The following RELN variants were observed in gnomAD, a reference collection of about 807,000 sequenced individuals.
RELN encodes the protein reelin.
RELN carries 108 observed loss-of-function variants against 427.6 expected under a neutral mutation model. The observed-to-expected ratio is 0.25, with a 90% CI of 0.22 to 0.30. The LOEUF (loss-of-function observed/expected upper bound fraction) is 0.30, where lower values mean the gene tolerates loss of function less well. RELN is among the 10% of genes least tolerant of loss of function. RELN has a pLI of 1.00. For synonymous variants in RELN, 1,524 were observed against 1,513.4 expected (o/e 1.01, Z -0.16); for missense variants, 3,715 against 4,302.8 (o/e 0.86, Z 3.82).
intron 2 of RELN, among the ~76,000 whole-genome samples, chr7:103,891,378 G>A (rs1794845280): frequency 6.6e-6 from 1 of 152,068 alleles, no homozygotes; most frequent in Non-Finnish European, 1.5e-5. Context: ...TATTGTGCTG[G>A]CCATGGTAAT....
chr7:103,668,759 T>C lies in RELN; in HGVS notation c.1290-7232A>G, dbSNP rs139117463. On this transcript the variant is annotated intron_variant, in intron 11 of 64. Coordinates refer to ENST00000428762, the MANE Select transcript of RELN (RefSeq NM_005045.4). ...CCAGGAGCCTCTCTTGACGCATACA[T>C]GAAAATTTCACACTGGTTCATTGGT... Among the ~76,000 whole-genome samples the C allele has an allele frequency of 3.0e-3, 450 of 152,304 alleles. 1 individual carries two copies. Among genetic ancestry groups the C allele is most frequent in the African/African-American group, 0.01 (421 of 41,576 alleles).
intron 11 of RELN, among the ~76,000 whole-genome samples, chr7:103,671,020 C>A (rs1833380479): frequency 6.6e-6 from 1 of 152,032 alleles, no homozygotes; most frequent in African/African-American, 2.4e-5. Context: ...TATAAATTCT[C>A]TGAGGTTGAA....
chr7:103,599,031 G>T (rs1342753290), intron 24 of RELN, among the ~76,000 whole-genome samples: 2 of 152,112 alleles, frequency 1.3e-5, no homozygotes, highest in Non-Finnish European at 2.9e-5. Flanking sequence ...ATGATTTACT[G>T]CTTTAAGGGT....
At chr7:103,986,365 G>C (rs896740171) in intron 1 of RELN, among the ~76,000 whole-genome samples, 22 of 152,118 alleles carry the variant, frequency 1.4e-4, no homozygotes, top group Non-Finnish European at 3.1e-4. Context: ...TGACAATTCT[G>C]TTAGACTCGA....
Position 103,558,050 on chromosome 7 carries a change from C to G in RELN, c.5530-1G>C. On this transcript the variant is annotated splice_acceptor_variant, in intron 36 of 64. Transcript: ENST00000428762. LOFTEE classifies it high-confidence loss of function. Reference sequence around the variant, plus strand: ...TTGAAATAAGCATCCTTAGTCCTTCCTGAAAATAAAAACATATACGTTAAG... The same window carrying G: ...TTGAAATAAGCATCCTTAGTCCTTCGTGAAAATAAAAACATATACGTTAAG... 6.8e-7 allele frequency: 1 copy of G among 1,479,138 alleles called. No individual in the cohort carries two copies. Among genetic ancestry groups the G allele is most frequent in the South Asian group, 1.1e-5 (1 of 87,980 alleles). The allele number at this position is 1,479,138 out of a possible 1,614,324, so 91.6% of individuals were successfully genotyped here. A position where few individuals can be genotyped will look rare whatever the true frequency, so the allele number is the denominator to read the frequency against.
Position 103,563,262 on chromosome 7 carries a change from T to C in RELN, c.5211-1309A>G, listed in dbSNP as rs924746134. Reference sequence around the variant, plus strand: ...TTCTGTCGATGATGGACTGCATTTATGACAATGGTCTCATAAGATTATAAT... The same window carrying C: ...TTCTGTCGATGATGGACTGCATTTACGACAATGGTCTCATAAGATTATAAT... On this transcript the variant is annotated intron_variant, in intron 34 of 64. Transcript: ENST00000428762. The surrounding 1 kb of genome is among the most constrained non-coding windows in gnomAD (Gnocchi z 4.1). Among the ~76,000 whole-genome samples, 5 of 152,240 alleles carry C rather than the reference T, an allele frequency of 3.3e-5. No homozygotes were observed. In the East Asian group the frequency reaches 7.7e-4, roughly 23 times the overall value.
At chr7:103,599,654 G>C (rs1297512251) in intron 24 of RELN, among the ~76,000 whole-genome samples, 1 of 152,132 alleles carries the variant, frequency 6.6e-6, no homozygotes, top group Non-Finnish European at 1.5e-5. Context: ...CAGAGCTCCA[G>C]AAAGCTTCAG....
chr7:103,908,199 G>C (rs1795260625), intron 2 of RELN, among the ~76,000 whole-genome samples: 1 of 152,070 alleles, frequency 6.6e-6, no homozygotes, highest in South Asian at 2.1e-4. Flanking sequence ...GAATTCTGTG[G>C]GTAAGAAACT....
intron 2 of RELN, among the ~76,000 whole-genome samples, chr7:103,892,819 T>C (rs1563074904): frequency 6.6e-6 from 1 of 152,158 alleles, no homozygotes; most frequent in Non-Finnish European, 1.5e-5. Context: ...AGGATCACTG[T>C]AGGAAATTCC....
rs1040293761 is a variant in RELN at position 103,773,494 on chromosome 7, CAG to C, written c.544+3061_544+3062del. On this transcript the variant is annotated intron_variant, in intron 4 of 64. Coordinates refer to ENST00000428762, the MANE Select transcript of RELN (RefSeq NM_005045.4). Reference sequence around the variant, plus strand: ...CTCTCTCTCTCTTTCTTTCTTTTGACAGAGTCTCACTGTTGCTCAGGCTGGAG... The same window carrying C: ...CTCTCTCTCTCTTTCTTTCTTTTGACAGTCTCACTGTTGCTCAGGCTGGAG... Among the ~76,000 whole-genome samples, 7 of 143,282 alleles carry C rather than the reference CAG, an allele frequency of 4.9e-5. 1 individual carries two copies. Among genetic ancestry groups the C allele is most frequent in the African/African-American group, 1.5e-4 (6 of 39,550 alleles). 94.0% of individuals were successfully genotyped at this position (143,282 alleles called of 152,430 possible). A position where few individuals can be genotyped will look rare whatever the true frequency, so the allele number is the denominator to read the frequency against.
At chr7:103,764,459 A>G (rs906752314) in intron 4 of RELN, among the ~76,000 whole-genome samples, 12 of 151,956 alleles carry the variant, frequency 7.9e-5, no homozygotes, top group African/African-American at 2.9e-4. Flanking sequence ...TACCTTCTTG[A>G]CTCTTTGTAT....
At chr7:103,906,295 C>T (rs974023847) in intron 2 of RELN, among the ~76,000 whole-genome samples, 6 of 152,142 alleles carry the variant, frequency 3.9e-5, no homozygotes, top group Non-Finnish European at 7.3e-5. Flanking sequence ...GCATAACCTC[C>T]CGCAAGTTAC....
At chr7:103,851,591 T>G (rs1295286510) in intron 2 of RELN, among the ~76,000 whole-genome samples, 1 of 152,220 alleles carries the variant, frequency 6.6e-6, no homozygotes, top group Non-Finnish European at 1.5e-5. Context: ...CTACAGCTTC[T>G]TCCTGTGGGG....
In RELN at chr7:103,880,512, C is replaced by T. The variant is rs150647919; in HGVS notation, c.337+36563G>A. On this transcript the variant is annotated intron_variant, in intron 2 of 64. Transcript: ENST00000428762. ...TTCAGTGGAAGAGTCCCTCCTTTGT[C>T]ATCATCATCATTATCGCTGTGTATA... Among the ~76,000 whole-genome samples the T allele has an allele frequency of 4.7e-3, 709 of 152,208 alleles. 8 individuals are homozygous for T. The highest frequency in any genetic ancestry group is 0.016 in the African/African-American group (672 of 41,544).
chr7:103,952,622 T>C (rs149157257), intron 1 of RELN, among the ~76,000 whole-genome samples: 1,902 of 152,242 alleles, frequency 0.012, 21 homozygotes, highest in Non-Finnish European at 0.019. Flanking sequence ...TTGAAATGTG[T>C]CACTGCAAAT....
At chr7:103,682,352 G>A (rs1833672940) in intron 10 of RELN, 91 bp from the exon 11 acceptor site, 8 of 1,357,932 alleles carry the variant, frequency 5.9e-6, no homozygotes, top group Non-Finnish European at 8.4e-6. Context: ...TTTTAGAAAA[G>A]TTATTATATT....
At chr7:103,555,267 C>T (rs117557578) in intron 38 of RELN, among the ~76,000 whole-genome samples, 7 of 152,250 alleles carry the variant, frequency 4.6e-5, no homozygotes, top group Non-Finnish European at 8.8e-5. Flanking sequence ...CCCTAGGTTG[C>T]TTCTTCACTG....
intron 12 of RELN, among the ~76,000 whole-genome samples, chr7:103,655,207 C>T (rs10235072): frequency 0.054 from 8,160 of 152,088 alleles, 575 homozygotes; most frequent in African/African-American, 0.16. Flanking sequence ...CTCTCTTAAG[C>T]CACCATTATC....
intron 6 of RELN, among the ~76,000 whole-genome samples, chr7:103,745,506 T>G (rs1052375770): frequency 4.1e-5 from 6 of 145,920 alleles, no homozygotes; most frequent in African/African-American, 1.6e-4. Context: ...TGATTGTATA[T>G]CTATAAAACC....
Sources: allele counts gnomAD v4.1 joint callset (sites outside exome capture counted in the v4.1 genomes callset), GRCh38; gene constraint gnomAD v4.1.1; non-coding constraint Gnocchi (gnomAD v3.1); transcripts MANE v1.5; gene names NCBI Gene and HGNC (gene_info 2026-07-23, HGNC 2026-07-21).